Variants in DOCK1 observed in about 807,000 individuals in gnomAD.
DOCK1 encodes dedicator of cytokinesis 1.
DOCK1 carries 138 observed loss-of-function variants against 262.7 expected under a neutral mutation model. That is an observed-to-expected ratio of 0.53 (90% confidence interval 0.46 to 0.61). DOCK1 has a LOEUF of 0.61. Among genes scored for constraint, DOCK1 ranks in the 20% least tolerant of loss-of-function variants. DOCK1 has a pLI of 0.00. For synonymous variants in DOCK1, 866 were observed against 867.4 expected, an observed-to-expected ratio of 1.00 and a Z score of 0.03; for missense variants, 1,908 against 2,370.7, an observed-to-expected ratio of 0.80 and a Z score of 4.05.
At chr10:127,260,993 ATG>A (rs1191654704) in intron 29 of DOCK1, among the ~76,000 whole-genome samples, 1 of 30,090 alleles carries the variant, frequency 3.3e-5, no homozygotes, top group Non-Finnish European at 6.5e-5. Flanking sequence ...ACCCGTGCTC[ATG>A]TGTGTGTACC....
chr10:127,179,241 G>T (rs1365292787), intron 27 of DOCK1, among the ~76,000 whole-genome samples: 1 of 152,180 alleles, frequency 6.6e-6, no homozygotes, highest in Non-Finnish European at 1.5e-5. Flanking sequence ...CTAGGTCTTG[G>T]ACGCAACCAT....
At chr10:127,289,985 G>C (rs1006920790) in intron 29 of DOCK1, among the ~76,000 whole-genome samples, 1 of 150,190 alleles carries the variant, frequency 6.7e-6, no homozygotes, top group African/African-American at 2.5e-5. Context: ...ATAATCTGCT[G>C]GTAAATTCAT....
rs1033195429 is a variant in DOCK1 at position 127,191,662 on chromosome 10, C to T, written c.2848-56346C>T. ...ACAAGGGTGGGGGATCTCACATCAC[C>T]AGTGGAATGACCTAGAAACACAAAG... On this transcript the variant is annotated intron_variant, in intron 27 of 51. Transcript: ENST00000623213. 5.9e-5 allele frequency among the ~76,000 whole-genome samples: 9 copies of T among 152,228 alleles called. No individual in the cohort carries two copies. The Middle Eastern group carries it at 0.01, about 173-fold the overall frequency.
At chr10:127,060,281 A>G (rs1220588025) in intron 22 of DOCK1, among the ~76,000 whole-genome samples, 1 of 152,128 alleles carries the variant, frequency 6.6e-6, no homozygotes. Context: ...CCAGTCTACC[A>G]GGTGTTCTTC....
chr10:127,179,994 T>A (rs578128232), intron 27 of DOCK1, among the ~76,000 whole-genome samples: 5 of 152,154 alleles, frequency 3.3e-5, no homozygotes, highest in Non-Finnish European at 7.3e-5. Context: ...GATTTTGGGA[T>A]TTTTTGCAAC....
Position 127,349,478 on chromosome 10 carries a change from G to A in DOCK1, c.3225-5191G>A, listed in dbSNP as rs77762598. On this transcript the variant is annotated intron_variant, in intron 31 of 51. Coordinates refer to ENST00000623213, the MANE Select transcript of DOCK1 (RefSeq NM_001290223.2). ...AGCATCAAGTGGCGGTGGGGGTTCCGCACACCTTGGTCTTAGGCCTTCACA... is the reference window on the plus strand; with the variant it reads ...AGCATCAAGTGGCGGTGGGGGTTCCACACACCTTGGTCTTAGGCCTTCACA... 6.0e-3 allele frequency among the ~76,000 whole-genome samples: 919 copies of A among 152,112 alleles called. 16 individuals are homozygous for A. The highest frequency in any genetic ancestry group is 0.021 in the African/African-American group (863 of 41,494).
At chr10:127,028,697 T>C (rs1385086319) in intron 16 of DOCK1, among the ~76,000 whole-genome samples, 4 of 152,190 alleles carry the variant, frequency 2.6e-5, no homozygotes, top group Non-Finnish European at 5.9e-5. Context: ...AGGTTTGAGT[T>C]GAGGTTTGAG....
chr10:127,367,761 G>A (rs1348973878), intron 33 of DOCK1, among the ~76,000 whole-genome samples: 2 of 152,188 alleles, frequency 1.3e-5, no homozygotes, highest in Non-Finnish European at 2.9e-5. Flanking sequence ...CGTTCCCAGC[G>A]ACTGGACGCT....
chr10:127,243,225 C>T (rs1306202351), intron 27 of DOCK1, among the ~76,000 whole-genome samples: 1 of 152,116 alleles, frequency 6.6e-6, no homozygotes, highest in African/African-American at 2.4e-5. Flanking sequence ...TTTTTTTCTT[C>T]TAATTCATAC....
chr10:127,161,930 A>T (rs1243181187), intron 27 of DOCK1, among the ~76,000 whole-genome samples: 1 of 152,200 alleles, frequency 6.6e-6, no homozygotes, highest in Non-Finnish European at 1.5e-5. Context: ...TTCCAGAGAA[A>T]CTTAGCAGCT....
intron 23 of DOCK1, among the ~76,000 whole-genome samples, chr10:127,082,844 C>G (rs1564790010): frequency 2.0e-5 from 3 of 152,174 alleles, no homozygotes; most frequent in Non-Finnish European, 4.4e-5. Flanking sequence ...CCCTTCTTGT[C>G]TCTGTACACA....
intron 1 of DOCK1, among the ~76,000 whole-genome samples, chr10:126,924,489 G>A (rs921989848): frequency 2.6e-5 from 4 of 152,020 alleles, no homozygotes; most frequent in African/African-American, 7.2e-5. Context: ...GGGGGAGGCT[G>A]TGAGTGCTGG....
At chr10:126,984,944 C>T (rs906582573) in intron 4 of DOCK1, among the ~76,000 whole-genome samples, 1 of 150,984 alleles carries the variant, frequency 6.6e-6, no homozygotes, top group African/African-American at 2.4e-5. Flanking sequence ...CCCTTTGACC[C>T]ATCATCTCCC....
intron 1 of DOCK1, among the ~76,000 whole-genome samples, chr10:126,963,470 A>G (rs2037380696): frequency 1.3e-5 from 2 of 152,102 alleles, no homozygotes; most frequent in African/African-American, 4.8e-5. Context: ...AAAAAATATT[A>G]GAGACAATAC....
At chr10:127,384,311 G>A (rs1252189780) in intron 37 of DOCK1, among the ~76,000 whole-genome samples, 1 of 152,162 alleles carries the variant, frequency 6.6e-6, no homozygotes, top group African/African-American at 2.4e-5. Flanking sequence ...CTTGCCTATG[G>A]CTGATGGTGC....
chr10:127,346,532 G>A (rs1378663574), intron 31 of DOCK1, among the ~76,000 whole-genome samples: 1 of 152,142 alleles, frequency 6.6e-6, no homozygotes, highest in Non-Finnish European at 1.5e-5. Context: ...GGGGGTCGGG[G>A]CTGCAGTGAG....
At chr10:127,321,529 A>C (rs2720971) in intron 29 of DOCK1, among the ~76,000 whole-genome samples, 62,138 of 150,806 alleles carry the variant, frequency 0.41, 12,970 homozygotes, top group East Asian at 0.52. Flanking sequence ...ATGTACCTTC[A>C]ACTCTTGACC....
intron 29 of DOCK1, among the ~76,000 whole-genome samples, chr10:127,323,257 C>T (rs545003542): frequency 1.2e-4 from 18 of 152,274 alleles, no homozygotes; most frequent in African/African-American, 4.3e-4. Context: ...ATTATCTTCC[C>T]CGTGGCCGCC....
At chr10:127,250,347 T>C (rs2059582310) in intron 28 of DOCK1, among the ~76,000 whole-genome samples, 1 of 152,226 alleles carries the variant, frequency 6.6e-6, no homozygotes, top group Admixed American at 6.5e-5. Flanking sequence ...TGTAGCTTGC[T>C]GAATTCCAAG....
Sources: gnomAD v4.1 joint callset for allele counts (sites outside exome capture counted in the v4.1 genomes callset) on GRCh38, gnomAD v4.1.1 for gene constraint, MANE v1.5 for transcripts, NCBI Gene and HGNC (gene_info 2026-07-23, HGNC 2026-07-21) for gene names.